The following PPA2 variants were observed in gnomAD, a reference collection of about 807,000 sequenced individuals.
PPA2 encodes inorganic pyrophosphatase 2.
Under a neutral mutation model 49.5 loss-of-function variants are expected in PPA2, and 48 were observed. The observed-to-expected ratio is 0.97, with a 90% CI of 0.77 to 1.23. The LOEUF is 1.23. PPA2 is among the 50% of genes most tolerant of loss of function. PPA2 has a pLI of 0.00. For missense variants in PPA2, 429 were observed against 410.1 expected (o/e 1.05, Z -0.40); for synonymous variants, 131 against 139.9 (o/e 0.94, Z 0.45).
chr4:105,396,349 A>G lies in PPA2; in HGVS notation c.784-15T>C. 6.6e-7 allele frequency: 1 copy of G among 1,523,590 alleles called. No homozygotes were observed. Among genetic ancestry groups the G allele is most frequent in the Non-Finnish European group, 8.9e-7 (1 of 1,126,182 alleles). 94.4% of individuals were successfully genotyped at this position (1,523,590 alleles called of 1,614,324 possible). A position where few individuals can be genotyped will look rare whatever the true frequency, so the allele number is the denominator to read the frequency against. ...AGAGCAAAAGCCTAGCTCCAAACAA[A>G]CAAATAAAAAAAGACGTATTTAATA... is the stretch of plus-strand genomic sequence containing the variant. On this transcript the variant is annotated splice_polypyrimidine_tract_variant and intron_variant, in intron 8 of 11. Coordinates refer to ENST00000341695, the MANE Select transcript of PPA2 (RefSeq NM_176869.3).
chr4:105,388,952 T>C (rs1292742346), intron 9 of PPA2, among the ~76,000 whole-genome samples: 2 of 152,132 alleles, frequency 1.3e-5, no homozygotes, highest in African/African-American at 4.8e-5. Context: ...ATTACAAAGT[T>C]CCTTCTATTT....
At chr4:105,395,882 CAATT>C (rs1018403863) in intron 9 of PPA2, among the ~76,000 whole-genome samples, 24 of 152,056 alleles carry the variant, frequency 1.6e-4, no homozygotes, top group Non-Finnish European at 2.6e-4. Flanking sequence ...CTTAATCAAT[CAATT>C]AGTGATCATG....
intron 7 of PPA2, among the ~76,000 whole-genome samples, chr4:105,416,609 C>A (rs1475563535): frequency 6.6e-6 from 1 of 152,168 alleles, no homozygotes; most frequent in Non-Finnish European, 1.5e-5. Flanking sequence ...TAAACATTCA[C>A]AAGAAACAAG....
intron 1 of PPA2, among the ~76,000 whole-genome samples, chr4:105,460,993 T>C (rs1723067338): frequency 6.6e-6 from 1 of 152,126 alleles, no homozygotes; most frequent in Non-Finnish European, 1.5e-5. Context: ...AATAAAAATG[T>C]AATAGTGAAG....
intron 1 of PPA2, among the ~76,000 whole-genome samples, chr4:105,457,381 T>C (rs559185228): frequency 6.6e-5 from 10 of 152,358 alleles, no homozygotes; most frequent in Non-Finnish European, 4.4e-5. Context: ...CAATGCACTT[T>C]TACTGGAATA....
chr4:105,464,565 G>A (rs1723223594), intron 1 of PPA2, among the ~76,000 whole-genome samples: 1 of 152,130 alleles, frequency 6.6e-6, no homozygotes, highest in Admixed American at 6.5e-5. Flanking sequence ...ATATGGTTTG[G>A]CTGTGTCCCC....
At chr4:105,446,771 ATGAT>A (rs1227169207) in intron 4 of PPA2, among the ~76,000 whole-genome samples, 2 of 152,186 alleles carry the variant, frequency 1.3e-5, no homozygotes, top group African/African-American at 2.4e-5. Context: ...AAATAATAAA[ATGAT>A]TGAGATGGCA....
chr4:105,456,548 C>T (rs140985187), intron 2 of PPA2, 133 bp downstream of exon 2: 115 of 665,934 alleles, frequency 1.7e-4, no homozygotes, highest in African/African-American at 1.7e-3. Context: ...AGGCTTATGA[C>T]CCTGTTATAG....
intron 1 of PPA2, among the ~76,000 whole-genome samples, chr4:105,472,308 C>T (rs545780836): frequency 6.6e-6 from 1 of 152,312 alleles, no homozygotes; most frequent in Non-Finnish European, 1.5e-5. Flanking sequence ...CTACTCTGTG[C>T]GCTCCTGGCT....
At chr4:105,468,466 T>G (rs1723396983) in intron 1 of PPA2, among the ~76,000 whole-genome samples, 3 of 152,218 alleles carry the variant, frequency 2.0e-5, no homozygotes, top group Non-Finnish European at 1.5e-5. Context: ...TAAAAAGTAC[T>G]GCTGATAGGT....
chr4:105,405,679 A>G, intron 7 of PPA2: 1 of 973,650 alleles, frequency 1.0e-6, no homozygotes, highest in Non-Finnish European at 1.2e-6. Context: ...GAGGGGCACT[A>G]AATTCGTGTT....
At chr4:105,469,709 G>GT (rs1723445124) in intron 1 of PPA2, among the ~76,000 whole-genome samples, 2 of 152,092 alleles carry the variant, frequency 1.3e-5, no homozygotes, top group African/African-American at 4.8e-5. Flanking sequence ...AACGTTTAAG[G>GT]TTTTAAGGAC....
chr4:105,440,597 G>T (rs1200873516), intron 5 of PPA2, among the ~76,000 whole-genome samples: 1 of 152,154 alleles, frequency 6.6e-6, no homozygotes, highest in Non-Finnish European at 1.5e-5. Flanking sequence ...GCCCTAAAAT[G>T]CTGAGATTGT....
At chr4:105,441,388 T>A (rs1724351478) in intron 5 of PPA2, among the ~76,000 whole-genome samples, 1 of 152,078 alleles carries the variant, frequency 6.6e-6, no homozygotes, top group Non-Finnish European at 1.5e-5. Flanking sequence ...AAAATCACAA[T>A]AAGATACTAT....
intron 2 of PPA2, 89 bp downstream of exon 2, chr4:105,456,592 A>G (rs772935013): frequency 3.7e-6 from 4 of 1,093,386 alleles, no homozygotes; most frequent in Non-Finnish European, 5.3e-6. Context: ...TTCCAACAAC[A>G]CTTTTTCCTT....
intron 3 of PPA2, 33 bp from the exon 4 acceptor site, chr4:105,449,436 T>C: frequency 7.1e-7 from 1 of 1,407,424 alleles, no homozygotes; most frequent in Non-Finnish European, 9.8e-7. Flanking sequence ...GAGAGAACAT[T>C]AAAAATTTTA....
chr4:105,425,773 TAAAC>T (rs199915713), intron 6 of PPA2, among the ~76,000 whole-genome samples: 2,279 of 134,156 alleles, frequency 0.017, 26 homozygotes, highest in Admixed American at 0.023. Context: ...CCCATCAGAA[TAAAC>T]AAACAAACAA....
chr4:105,433,095 A>C (rs1248685011), intron 6 of PPA2, among the ~76,000 whole-genome samples: 3 of 152,232 alleles, frequency 2.0e-5, no homozygotes, highest in Non-Finnish European at 2.9e-5. Context: ...GGGTTCCTAA[A>C]GGAAATCATT....
At chr4:105,426,288 TG>T (rs1723503872) in intron 6 of PPA2, among the ~76,000 whole-genome samples, 2 of 152,206 alleles carry the variant, frequency 1.3e-5, no homozygotes, top group Admixed American at 1.3e-4. Flanking sequence ...AGGTGATTTC[TG>T]TATTTCAAAC....
Sources: allele counts gnomAD v4.1 joint callset (sites outside exome capture counted in the v4.1 genomes callset), GRCh38; gene constraint gnomAD v4.1.1; transcripts MANE v1.5; gene names NCBI Gene and HGNC (gene_info 2026-07-23, HGNC 2026-07-21).